SARS2: variants seen among roughly 807,000 people sequenced by gnomAD.
SARS2 encodes the protein serine--tRNA ligase, mitochondrial.
In SARS2, 52 loss-of-function variants were observed where a neutral mutation model predicts 66.8. The ratio of observed to expected loss-of-function variants is 0.78; its 90% CI spans 0.62 to 0.98. The LOEUF is 0.98. Ranked by LOEUF, SARS2 falls within the 50% of genes least tolerant of loss-of-function variation. SARS2 has a pLI of 0.00. For synonymous variants in SARS2, 306 were observed against 281.4 expected (o/e 1.09, Z -0.87); for missense variants, 673 against 706.3 (o/e 0.95, Z 0.53).
intron 2 of SARS2, among the ~76,000 whole-genome samples, chr19:38,923,048 T>G (rs1188521830): frequency 7.3e-6 from 1 of 137,706 alleles, no homozygotes; most frequent in African/African-American, 2.8e-5. Context: ...GGACTACAGG[T>G]GCCCGCCACC....
intron 7 of SARS2, among the ~76,000 whole-genome samples, 179 bp downstream of exon 7, chr19:38,919,583 G>A (rs1347457212): frequency 6.6e-6 from 1 of 152,168 alleles, no homozygotes; most frequent in African/African-American, 2.4e-5. Context: ...TGTAAAGTGG[G>A]GATGATGACA....
intron 1 of SARS2, among the ~76,000 whole-genome samples, chr19:38,929,402 A>G (rs1974689376): frequency 6.6e-6 from 1 of 151,418 alleles, no homozygotes; most frequent in African/African-American, 2.4e-5. Context: ...AAAAAATACA[A>G]AAGTTTAGCC....
intron 2 of SARS2, among the ~76,000 whole-genome samples, chr19:38,922,859 G>T (rs904894954): frequency 2.0e-5 from 3 of 152,034 alleles, no homozygotes; most frequent in Non-Finnish European, 2.9e-5. Flanking sequence ...ATGGAACTGT[G>T]AGTCAATTAA....
intron 12 of SARS2, among the ~76,000 whole-genome samples, chr19:38,917,279 A>G (rs1376893164): frequency 6.6e-6 from 1 of 152,216 alleles, no homozygotes; most frequent in Non-Finnish European, 1.5e-5. Context: ...AGTTTTTTAC[A>G]ATGGGTCACC....
intron 5 of SARS2, 96 bp from the exon 6 acceptor site, chr19:38,920,245 G>A (rs1034592975): frequency 3.8e-5 from 37 of 982,590 alleles, no homozygotes; most frequent in Non-Finnish European, 5.4e-5. Context: ...GAGGGACGGT[G>A]AGAGAAAATA....
chr19:38,918,228 C>T, intron 9 of SARS2, 89 bp from the exon 10 acceptor site: 1 of 1,404,230 alleles, frequency 7.1e-7, no homozygotes, highest in Non-Finnish European at 9.9e-7. Context: ...CTGGTGGATG[C>T]AACCCCAGGT....
chr19:38,917,744 T>C lies in SARS2; in HGVS notation c.1140A>G (p.Thr380=). The C allele has an allele frequency of 1.3e-6, 2 of 1,533,316 alleles. No individual in the cohort carries two copies. Among genetic ancestry groups the C allele is most frequent in the Non-Finnish European group, 1.8e-6 (2 of 1,127,200 alleles). 95.0% of individuals were successfully genotyped at this position (1,533,316 alleles called of 1,614,324 possible). Residue 380 remains threonine (T), a synonymous_variant, in exon 12 of 16, where the codon ACA becomes ACG. Coordinates refer to ENST00000221431, the MANE Select transcript of SARS2 (RefSeq NM_017827.4). Reference sequence around the variant, plus strand: ...CACACCGGAAGTGCAAGCCCAGCTCTGTCAAGATCTCCATCTGAAGGGACA... The same window carrying C: ...CACACCGGAAGTGCAAGCCCAGCTCCGTCAAGATCTCCATCTGAAGGGACA... ...EFLSLQMEIL[T]ELGLHFRVLD...
At chr19:38,927,308 G>T (rs929314453) in intron 1 of SARS2, among the ~76,000 whole-genome samples, 1 of 151,708 alleles carries the variant, frequency 6.6e-6, no homozygotes. Flanking sequence ...AAAAAAAATT[G>T]TTACAATGTA....
chr19:38,918,907 C>T (rs1974468898), intron 7 of SARS2, 94 bp from the exon 8 acceptor site: 1 of 1,297,674 alleles, frequency 7.7e-7, no homozygotes, highest in Admixed American at 2.0e-5. Flanking sequence ...CCCCTTCCTC[C>T]TCAGACGAAA....
At chr19:38,922,360 T>C (rs1441258449) in intron 2 of SARS2, 93 bp from the exon 3 acceptor site, 2 of 1,228,484 alleles carry the variant, frequency 1.6e-6, no homozygotes, top group East Asian at 4.7e-5. Context: ...GGCCAGAGGA[T>C]CTTAGTCTCC....
At chr19:38,921,491 G>A (rs1330416939) in intron 4 of SARS2, 36 bp downstream of exon 4, 2 of 1,614,036 alleles carry the variant, frequency 1.2e-6, no homozygotes, top group Non-Finnish European at 1.7e-6. Flanking sequence ...CACTAGGTGG[G>A]CCCCTGGCCT....
At chr19:38,921,320 GC>G in intron 5 of SARS2, 71 bp downstream of exon 5, 1 of 1,529,718 alleles carries the variant, frequency 6.5e-7, no homozygotes, top group Admixed American at 1.8e-5. Flanking sequence ...GACCCCAGGG[GC>G]CCCCACCCCG....
At position 38,917,533 on chromosome 19, in the gene SARS2, T is replaced by C. The variant is rs112575357; in HGVS notation, c.1160+191A>G. On this transcript the variant is annotated intron_variant, in intron 12 of 15. Coordinates refer to ENST00000221431, the MANE Select transcript of SARS2 (RefSeq NM_017827.4). Reference sequence around the variant, plus strand: ...TGCACTGTTCGTGCTTCTGTTACAGTCCTGTGAGGGACGACCGGCACACGG... The same window carrying C: ...TGCACTGTTCGTGCTTCTGTTACAGCCCTGTGAGGGACGACCGGCACACGG... Among the ~76,000 whole-genome samples, 1,386 of 152,290 alleles carry C rather than the reference T, an allele frequency of 9.1e-3. 22 individuals carry two copies. The highest frequency in any genetic ancestry group is 0.032 in the African/African-American group (1,336 of 41,560).
chr19:38,922,722 G>A (rs573431536), intron 2 of SARS2, among the ~76,000 whole-genome samples: 12 of 152,196 alleles, frequency 7.9e-5, no homozygotes, highest in African/African-American at 1.9e-4. Flanking sequence ...GAGTTCTCAC[G>A]AGATCTGATG....
intron 5 of SARS2, among the ~76,000 whole-genome samples, chr19:38,920,612 AAG>A (rs1399293938): frequency 1.3e-5 from 2 of 151,228 alleles, no homozygotes; most frequent in African/African-American, 2.4e-5. Flanking sequence ...CAGAGGTACG[AAG>A]ACACACACAC....
At position 38,915,730 on chromosome 19, in the gene SARS2, G is replaced by A; in HGVS notation, c.1433C>T (p.Pro478Leu). 1.2e-6 allele frequency: 2 copies of A among 1,613,192 alleles called. No homozygotes were observed. The highest frequency in any genetic ancestry group is 1.7e-6 in the Non-Finnish European group (2 of 1,179,658). ...GCCGAGGTAGGACTGGAGGGCAGGG[G>A]GCACGAGCACTGAGCCGTCCTGGGG... ...NQQKDGSVLV[P>L]PALQSYLGTD... The change falls in exon 16 of 16, where the codon CCC (proline) becomes CTC (leucine). Residue 478 changes from proline to leucine, a missense_variant. Pro to Leu is a moderately conservative substitution (Grantham distance 98). Coordinates refer to ENST00000221431, the MANE Select transcript of SARS2 (RefSeq NM_017827.4).
At chr19:38,929,729 G>A (rs1974697321) in intron 1 of SARS2, among the ~76,000 whole-genome samples, 1 of 152,092 alleles carries the variant, frequency 6.6e-6, no homozygotes, top group Non-Finnish European at 1.5e-5. Flanking sequence ...TCATAGAGTT[G>A]CTGTGAAAAT....
chr19:38,917,531 A>C (rs1195900213), intron 12 of SARS2, among the ~76,000 whole-genome samples, 193 bp downstream of exon 12: 1 of 152,236 alleles, frequency 6.6e-6, no homozygotes, highest in Non-Finnish European at 1.5e-5. Flanking sequence ...CTTCTGTTAC[A>C]GTCCTGTGAG....
chr19:38,929,481 G>A (rs989664402), intron 1 of SARS2, among the ~76,000 whole-genome samples: 6 of 151,422 alleles, frequency 4.0e-5, no homozygotes, highest in Non-Finnish European at 5.9e-5. Flanking sequence ...TTTGAGCTCA[G>A]GAATTCAAGG....
Sources: gnomAD v4.1 joint callset for allele counts (sites outside exome capture counted in the v4.1 genomes callset) on GRCh38, gnomAD v4.1.1 for gene constraint, MANE v1.5 for transcripts, NCBI Gene and HGNC (gene_info 2026-07-23, HGNC 2026-07-21) for gene names.